The following BRF1 variants were observed in gnomAD, a reference collection of about 807,000 sequenced individuals.
BRF1 encodes transcription factor IIIB 90 kDa subunit.
A neutral mutation model predicts 81.7 loss-of-function variants in BRF1; 59 were observed. The ratio of observed to expected loss-of-function variants is 0.72; its 90% CI spans 0.59 to 0.90. The LOEUF (loss-of-function observed/expected upper bound fraction) is 0.90, where lower values mean the gene tolerates loss of function less well. Ranked by LOEUF, BRF1 falls within the 40% of genes least tolerant of loss-of-function variation. BRF1 has a pLI of 0.00. For missense variants in BRF1, 1,050 were observed against 936.3 expected, an observed-to-expected ratio of 1.12 and a Z score of -1.58; for synonymous variants, 491 against 395.6, an observed-to-expected ratio of 1.24 and a Z score of -2.86.
At chr14:105,310,767 T>G (rs887578113) in intron 1 of BRF1, among the ~76,000 whole-genome samples, 2 of 152,064 alleles carry the variant, frequency 1.3e-5, no homozygotes, top group Non-Finnish European at 2.9e-5. Flanking sequence ...ATGGAGAAAA[T>G]AGGAGATAAA....
chr14:105,280,747 C>A (rs1342968469), intron 2 of BRF1, among the ~76,000 whole-genome samples: 1 of 151,838 alleles, frequency 6.6e-6, no homozygotes, highest in Non-Finnish European at 1.5e-5. Context: ...GACCCTGAGC[C>A]CGGGTGTGCG....
chr14:105,248,141 A>T (rs912428957), intron 5 of BRF1: 51 of 985,384 alleles, frequency 5.2e-5, no homozygotes, highest in Non-Finnish European at 6.1e-5. Context: ...TAAAGCCCTC[A>T]GAGCAGAGTG....
chr14:105,228,680 G>C, intron 7 of BRF1, 140 bp downstream of exon 7: 6 of 889,266 alleles, frequency 6.7e-6, no homozygotes, highest in Non-Finnish European at 1.1e-5. Flanking sequence ...TAGTGTGACC[G>C]GGGCTGGGCT....
chr14:105,248,560 G>C (rs2055299021), intron 5 of BRF1: 1 of 917,268 alleles, frequency 1.1e-6, no homozygotes, highest in Non-Finnish European at 1.3e-6. Context: ...CGCCGCGGCG[G>C]GTACGGGCTC....
rs1354673031 is a variant in BRF1 at position 105,269,235 on chromosome 14, AGG to A, written c.439+3484_439+3485del. Among the ~76,000 whole-genome samples, 2 of 152,068 alleles carry A rather than the reference AGG, an allele frequency of 1.3e-5. No homozygotes were observed. Among genetic ancestry groups the A allele is most frequent in the African/African-American group, 4.8e-5 (2 of 41,400 alleles). ...CTTCCCTCTAAAGTGCCGGCAAAGC[AGG>A]GGTGGGCTGGGAAGTGAGGGCTACA... On this transcript the variant is annotated intron_variant, in intron 3 of 17. Transcript: ENST00000547530. The surrounding 1 kb of genome is among the most constrained non-coding windows in gnomAD (Gnocchi z 5.0).
chr14:105,224,883 C>T (rs1171916945), intron 10 of BRF1, among the ~76,000 whole-genome samples: 2 of 152,218 alleles, frequency 1.3e-5, no homozygotes, highest in African/African-American at 4.8e-5. Flanking sequence ...TGAATGTGTT[C>T]CAATACAAGA....
intron 5 of BRF1, chr14:105,241,645 C>G: frequency 3.3e-6 from 2 of 597,498 alleles, no homozygotes; most frequent in Non-Finnish European, 5.9e-6. Context: ...GCTGCAGACA[C>G]GCTAGGGCCA....
upstream of BRF1, chr14:105,301,032 A>C (rs2057998933): frequency 6.6e-6 from 1 of 150,916 alleles, no homozygotes; most frequent in Non-Finnish European, 1.5e-5. Context: ...CGGTGAGCGC[A>C]GCCCGGGACT....
chr14:105,211,514 G>C, intron 16 of BRF1: 1 of 551,344 alleles, frequency 1.8e-6, no homozygotes. Flanking sequence ...TCAGGCCTCT[G>C]CCAGCCCCTG....
chr14:105,229,509 T>C (rs587703802), intron 6 of BRF1, among the ~76,000 whole-genome samples: 2 of 152,280 alleles, frequency 1.3e-5, no homozygotes, highest in African/African-American at 2.4e-5. Context: ...GGGGCTCCAA[T>C]TCCGGAGCTG....
chr14:105,254,495 G>C (rs1360850001), intron 4 of BRF1, among the ~76,000 whole-genome samples: 2 of 152,124 alleles, frequency 1.3e-5, no homozygotes, highest in African/African-American at 4.8e-5. Context: ...CAGACCTCCT[G>C]ATCTGCCCGC....
Position 105,210,920 on chromosome 14 carries a change from G to A in BRF1, c.1996+202C>T, listed in dbSNP as rs907607199. Among the ~76,000 whole-genome samples the A allele has an allele frequency of 9.9e-5, 15 of 152,144 alleles. No individual in the cohort carries two copies. Among genetic ancestry groups the A allele is most frequent in the East Asian group, 3.8e-4 (2 of 5,196 alleles). On this transcript the variant is annotated intron_variant, in intron 17 of 17. Coordinates refer to ENST00000547530, the MANE Select transcript of BRF1 (RefSeq NM_001519.4). This position sits in a 1 kb window ranked among gnomAD's most constrained non-coding sequence, Gnocchi z 4.7. Reference sequence around the variant, plus strand: ...CGGCCCTCGTGGTGGGTACCTCACCGTCCCTAGCCTCTCTGACCCTGGCTG... The same window carrying A: ...CGGCCCTCGTGGTGGGTACCTCACCATCCCTAGCCTCTCTGACCCTGGCTG...
chr14:105,253,272 G>T (rs587661960), intron 4 of BRF1, among the ~76,000 whole-genome samples: 40 of 152,228 alleles, frequency 2.6e-4, no homozygotes, highest in African/African-American at 9.4e-4. Context: ...TGCTGGCTGG[G>T]GGAGGACACT....
intron 10 of BRF1, 133 bp downstream of exon 10, chr14:105,225,936 C>G (rs1028941340): frequency 1.4e-5 from 13 of 940,370 alleles, no homozygotes; most frequent in South Asian, 1.7e-5. Flanking sequence ...GTGAGCCACC[C>G]TGCCCGGTGG....
At chr14:105,300,296 G>A in intron 1 of BRF1, 150 bp downstream of exon 1, 2 of 882,922 alleles carry the variant, frequency 2.3e-6, no homozygotes, top group East Asian at 6.5e-5. Context: ...TCTCGCCAAG[G>A]GGATCCACAC....
Position 105,300,512 on chromosome 14 carries a change from C to A in BRF1, c.118G>T (p.Glu40Ter). The change falls in exon 1 of 18, where the codon GAG (glutamate) becomes TAG (stop). Residue 40 changes from glutamate (E) to a stop codon, truncating the protein, a stop_gained. Transcript: ENST00000547530. LOFTEE classifies it high-confidence loss of function. ...SVLEDNIIVS[E>*]VQFVESSGGG... ...CCGCTGCTCTCCACGAACTGCACCT[C>A]GGACACGATGATGTTGTCCTCCAGC... is the stretch of plus-strand genomic sequence containing the variant. 1 of 1,537,836 alleles carries A rather than the reference C, an allele frequency of 6.5e-7. No homozygotes were observed. The highest frequency in any genetic ancestry group is 8.7e-7 in the Non-Finnish European group (1 of 1,144,582).
chr14:105,257,513 G>C (rs1001338206), intron 3 of BRF1, among the ~76,000 whole-genome samples: 4 of 152,198 alleles, frequency 2.6e-5, no homozygotes, highest in African/African-American at 9.7e-5. Flanking sequence ...GCTGGGTACA[G>C]GGGCATTCCG....
At position 105,283,679 on chromosome 14, in the gene BRF1, C is replaced by T. The variant is rs2057203743; in HGVS notation, c.265+2617G>A. On this transcript the variant is annotated intron_variant, in intron 2 of 17. Transcript: ENST00000547530. ...GTTTCCAATCCTATTGCAATGCACG[C>T]GTCTGCACCGACACTACTCTTTGCA... Among the ~76,000 whole-genome samples, 3 of 152,346 alleles carry T rather than the reference C, an allele frequency of 2.0e-5. No homozygotes were observed. The East Asian group carries it at 5.8e-4, about 29-fold the overall frequency.
At chr14:105,216,681 G>A (rs368134256) in intron 15 of BRF1, among the ~76,000 whole-genome samples, 2 of 152,208 alleles carry the variant, frequency 1.3e-5, no homozygotes, top group African/African-American at 2.4e-5. Context: ...AGAAACCACC[G>A]CAAATACCGC....
Sources: gnomAD v4.1 joint callset for allele counts (sites outside exome capture counted in the v4.1 genomes callset) on GRCh38, gnomAD v4.1.1 for gene constraint, Gnocchi (gnomAD v3.1) non-coding constraint, MANE v1.5 for transcripts, NCBI Gene and HGNC (gene_info 2026-07-23, HGNC 2026-07-21) for gene names.